Variants in DCTN4 observed in about 807,000 individuals in gnomAD.
DCTN4 encodes dynactin subunit 4.
Under a neutral mutation model 62.7 loss-of-function variants are expected in DCTN4, and 23 were observed. The ratio of observed to expected loss-of-function variants is 0.37; its 90% CI spans 0.26 to 0.52. The LOEUF (loss-of-function observed/expected upper bound fraction) is 0.52, where lower values mean the gene tolerates loss of function less well. Ranked by LOEUF, DCTN4 falls within the 20% of genes least tolerant of loss-of-function variation. DCTN4 has a pLI of 0.92. For synonymous variants in DCTN4, 199 were observed against 202.1 expected (o/e 0.98, Z 0.13); for missense variants, 514 against 580.4 (o/e 0.89, Z 1.18).
chr5:150,719,602 T>C, intron 10 of DCTN4, 114 bp downstream of exon 10: 1 of 739,822 alleles, frequency 1.4e-6, no homozygotes, highest in South Asian at 1.7e-5. Flanking sequence ...TGTCTTCTTT[T>C]CTATCCCTTG....
chr5:150,727,436 A>G (rs1405705352), intron 8 of DCTN4, among the ~76,000 whole-genome samples: 1 of 152,176 alleles, frequency 6.6e-6, no homozygotes, highest in Non-Finnish European at 1.5e-5. Context: ...TTTTCTACTT[A>G]AAATATTTAA....
At chr5:150,730,922 C>CGA (rs1760337874) in intron 7 of DCTN4, 122 bp downstream of exon 7, 3 of 781,218 alleles carry the variant, frequency 3.8e-6, no homozygotes, top group Non-Finnish European at 6.3e-6. Context: ...GTTTTATTTT[C>CGA]TACATATTGT....
intron 8 of DCTN4, among the ~76,000 whole-genome samples, chr5:150,725,549 G>A (rs1284437940): frequency 6.6e-6 from 1 of 151,360 alleles, no homozygotes; most frequent in African/African-American, 2.4e-5. Context: ...TGTTCTCTTT[G>A]GACTTTGCTG....
chr5:150,731,943 GAC>G lies in DCTN4; in HGVS notation c.538-456_538-455del, dbSNP rs1023671234. 1.8e-5 allele frequency: 28 copies of G among 1,548,004 alleles called. No individual in the cohort carries two copies. In the African/African-American group the frequency reaches 3.3e-4, roughly 18 times the overall value. On this transcript the variant is annotated intron_variant, in intron 5 of 12. Coordinates refer to ENST00000447998, the MANE Select transcript of DCTN4 (RefSeq NM_016221.4). ...CAAAATAGCAGCAGGTTGCAACAGA[GAC>G]AAAAAATGCAGCATAAGATAGAAGC...
intron 11 of DCTN4, among the ~76,000 whole-genome samples, chr5:150,716,814 G>A (rs1759774669): frequency 6.6e-6 from 1 of 152,014 alleles, no homozygotes; most frequent in Non-Finnish European, 1.5e-5. Context: ...AGCTACTTGG[G>A]AGGCTGAGGT....
intron 1 of DCTN4, chr5:150,758,623 G>A (rs1368449357): frequency 7.9e-7 from 1 of 1,265,490 alleles, no homozygotes; most frequent in African/African-American, 1.5e-5. Flanking sequence ...CCTAAGTCAA[G>A]TTTGTCCAAT....
chr5:150,753,707 A>G (rs975567599), intron 2 of DCTN4, 50 bp from the exon 3 acceptor site: 1 of 1,555,374 alleles, frequency 6.4e-7, no homozygotes, highest in Non-Finnish European at 8.8e-7. Flanking sequence ...TTATCAAGGA[A>G]TTCAAGAGAG....
In DCTN4 at chr5:150,725,048, C is replaced by T. The variant is rs190803008; in HGVS notation, c.835-2068G>A. 9.5e-4 allele frequency among the ~76,000 whole-genome samples: 142 copies of T among 149,936 alleles called. No individual in the cohort carries two copies. In the East Asian group the frequency reaches 0.026, roughly 27 times the overall value. ...TGGCGGGCGCCTGTAGTCCCAGCTA[C>T]ACGGGAGGCTGAGGCAGGAGAATGG... On this transcript the variant is annotated intron_variant, in intron 8 of 12. Coordinates refer to ENST00000447998, the MANE Select transcript of DCTN4 (RefSeq NM_016221.4).
At position 150,709,087 on chromosome 5, in the gene DCTN4, C is replaced by A. The variant is rs764220409; in HGVS notation, c.*2062G>T. ...TCTAATATAAAAAAGGCAACAAATA[C>A]AATTCCTAATTCACCAGCTGCAGGT... is the stretch of plus-strand genomic sequence containing the variant. On this transcript the variant is annotated 3_prime_UTR_variant, in exon 13 of 13. Coordinates refer to ENST00000447998, the MANE Select transcript of DCTN4 (RefSeq NM_016221.4). 2 of 152,754 alleles carry A rather than the reference C, an allele frequency of 1.3e-5. No individual in the cohort carries two copies. The highest frequency in any genetic ancestry group is 2.9e-5 in the Non-Finnish European group (2 of 68,030). The allele number at this position is 152,754 out of a possible 1,614,324, so 9.5% of individuals were successfully genotyped here. A position where few individuals can be genotyped will look rare whatever the true frequency, so the allele number is the denominator to read the frequency against.
At chr5:150,743,020 G>C (rs1341676683) in intron 3 of DCTN4, 1 of 154,962 alleles carries the variant, frequency 6.5e-6, no homozygotes, top group Admixed American at 6.5e-5. Context: ...AGCAGGGCAA[G>C]GCATTGCCTC....
chr5:150,753,321 G>A (rs1380421382), intron 3 of DCTN4, among the ~76,000 whole-genome samples, 158 bp downstream of exon 3: 1 of 152,142 alleles, frequency 6.6e-6, no homozygotes, highest in Non-Finnish European at 1.5e-5. Context: ...AAACACTAAG[G>A]TCTACAAATG....
At chr5:150,726,745 C>T (rs754784347) in intron 8 of DCTN4, among the ~76,000 whole-genome samples, 2 of 152,010 alleles carry the variant, frequency 1.3e-5, no homozygotes, top group East Asian at 1.9e-4. Context: ...TGTGCTGTAC[C>T]GTGGGCTGGT....
intron 9 of DCTN4, 83 bp downstream of exon 9, chr5:150,722,824 T>A: frequency 7.1e-6 from 7 of 986,032 alleles, no homozygotes; most frequent in South Asian, 1.6e-5. Context: ...AGGCCAAGAG[T>A]AAACACACTT....
intron 2 of DCTN4, 117 bp from the exon 3 acceptor site, chr5:150,753,774 T>C: frequency 9.8e-7 from 1 of 1,022,330 alleles, no homozygotes; most frequent in South Asian, 1.7e-5. Flanking sequence ...TGCAGGCCTC[T>C]TACCAACTTT....
intron 8 of DCTN4, among the ~76,000 whole-genome samples, chr5:150,724,221 A>G (rs1760058777): frequency 6.6e-6 from 1 of 152,118 alleles, no homozygotes; most frequent in Non-Finnish European, 1.5e-5. Flanking sequence ...TTCCCTGATT[A>G]GTGTATAAAT....
Position 150,730,917 on chromosome 5 carries a change from A to AT in DCTN4, c.724+126dup, listed in dbSNP as rs1320577834. On this transcript the variant is annotated intron_variant, in intron 7 of 12. Coordinates refer to ENST00000447998, the MANE Select transcript of DCTN4 (RefSeq NM_016221.4). Reference sequence around the variant, plus strand: ...CAATTACCTCTATTACAGCTGTTTTATTTTCTACATATTGTTTTTACTACT... The same window carrying AT: ...CAATTACCTCTATTACAGCTGTTTTATTTTTCTACATATTGTTTTTACTACT... The AT allele has an allele frequency of 3.9e-6, 3 of 775,078 alleles. No individual in the cohort carries two copies. The African/African-American group carries it at 5.3e-5, about 14-fold the overall frequency. The allele number at this position is 775,078 out of a possible 1,614,324, so 48.0% of individuals were successfully genotyped here.
chr5:150,714,129 G>A (rs1759671854), intron 12 of DCTN4, among the ~76,000 whole-genome samples: 1 of 152,024 alleles, frequency 6.6e-6, no homozygotes, highest in Non-Finnish European at 1.5e-5. Context: ...ACAAAACAAA[G>A]ACTGTGAATG....
rs188441831 is a variant in DCTN4, at chr5:150,754,536, T to C, written c.207-879A>G. Among the ~76,000 whole-genome samples the C allele has an allele frequency of 3.4e-3, 513 of 152,272 alleles. 5 individuals carry two copies. Among genetic ancestry groups the C allele is most frequent in the Admixed American group, 6.4e-3 (98 of 15,304 alleles). ...GGGTATGACTAACAGCAAAAGGACT[T>C]TCACTTCAAGCTAAAAACTAAACAC... On this transcript the variant is annotated intron_variant, in intron 2 of 12. Coordinates refer to ENST00000447998, the MANE Select transcript of DCTN4 (RefSeq NM_016221.4).
chr5:150,730,445 T>A (rs1278817473), intron 8 of DCTN4, among the ~76,000 whole-genome samples, 186 bp downstream of exon 8: 1 of 152,252 alleles, frequency 6.6e-6, no homozygotes, highest in Non-Finnish European at 1.5e-5. Context: ...AGTACCTACC[T>A]CACAGAGTTG....
Sources: gnomAD v4.1 joint callset for allele counts (sites outside exome capture counted in the v4.1 genomes callset) on GRCh38, gnomAD v4.1.1 for gene constraint, MANE v1.5 for transcripts, NCBI Gene and HGNC (gene_info 2026-07-23, HGNC 2026-07-21) for gene names.